The following CLEC16A variants were observed in gnomAD, a reference collection of about 807,000 sequenced individuals.
CLEC16A encodes the protein C-type lectin domain containing 16A.
Under a neutral mutation model 109.5 loss-of-function variants are expected in CLEC16A, and 51 were observed. That is an observed-to-expected ratio of 0.47 (90% CI 0.37 to 0.59). CLEC16A has a LOEUF of 0.59. Ranked by LOEUF, CLEC16A falls within the 20% of genes least tolerant of loss-of-function variation. CLEC16A has a pLI of 0.00. For missense variants in CLEC16A, 1,339 were observed against 1,394.0 expected (o/e 0.96, Z 0.63); for synonymous variants, 673 against 564.2 (o/e 1.19, Z -2.73).
At position 11,133,352 on chromosome 16, in the gene CLEC16A, A is replaced by AT. The variant is rs1567370586; in HGVS notation, c.2641+7206_2641+7207insT. Among the ~76,000 whole-genome samples the AT allele has an allele frequency of 1.3e-3, 193 of 151,138 alleles. 1 individual carries two copies. The highest frequency in any genetic ancestry group is 4.3e-3 in the African/African-American group (176 of 40,694). ...AGACTCTGTCTCAAAAAAAAAAAAA[A>AT]ATTTTTTTTTTGACTCTCCTGAGTA... On this transcript the variant is annotated intron_variant, in intron 22 of 23. Transcript: ENST00000409790.
chr16:11,171,975 TACACAATC>T (rs538047646), intron 23 of CLEC16A, among the ~76,000 whole-genome samples: 8 of 138,714 alleles, frequency 5.8e-5, no homozygotes, highest in African/African-American at 1.9e-4. Context: ...CTCCCACACA[TACACAATC>T]ACACACATAC....
chr16:10,976,681 C>G (rs1282552198), intron 7 of CLEC16A, among the ~76,000 whole-genome samples: 1 of 152,174 alleles, frequency 6.6e-6, no homozygotes, highest in Non-Finnish European at 1.5e-5. Context: ...ACTGACTCCA[C>G]CCAAGAGACA....
At chr16:11,100,090 TCTTAA>T (rs2050826545) in intron 19 of CLEC16A, among the ~76,000 whole-genome samples, 1 of 152,156 alleles carries the variant, frequency 6.6e-6, no homozygotes, top group Non-Finnish European at 1.5e-5. Context: ...CTAGCTCTTT[TCTTAA>T]CTTTTGCCTA....
intron 3 of CLEC16A, among the ~76,000 whole-genome samples, 193 bp from the exon 4 acceptor site, chr16:10,968,968 A>G (rs2042648574): frequency 6.6e-6 from 1 of 152,028 alleles, no homozygotes; most frequent in Non-Finnish European, 1.5e-5. Flanking sequence ...GATGCCTTTG[A>G]ACTTCCTGGT....
At chr16:11,167,067 C>G (rs927940361) in intron 23 of CLEC16A, among the ~76,000 whole-genome samples, 10 of 152,164 alleles carry the variant, frequency 6.6e-5, no homozygotes, top group African/African-American at 2.4e-4. Context: ...TCAACTTATT[C>G]CACTTCAGAC....
intron 18 of CLEC16A, among the ~76,000 whole-genome samples, chr16:11,055,873 G>C (rs1387519876): frequency 6.6e-6 from 1 of 152,102 alleles, no homozygotes; most frequent in Non-Finnish European, 1.5e-5. Context: ...ACAGGCGTGA[G>C]CCACCATGCC....
intron 19 of CLEC16A, among the ~76,000 whole-genome samples, chr16:11,075,141 A>C (rs1243142999): frequency 6.6e-6 from 1 of 152,256 alleles, no homozygotes; most frequent in African/African-American, 2.4e-5. Flanking sequence ...CAGTTGAAAT[A>C]CTTTTTCAAA....
chr16:11,033,446 C>T (rs2046858047), intron 13 of CLEC16A, among the ~76,000 whole-genome samples: 1 of 152,134 alleles, frequency 6.6e-6, no homozygotes, highest in African/African-American at 2.4e-5. Context: ...TGCCCTGAGG[C>T]CCAGGTGCCT....
intron 3 of CLEC16A, among the ~76,000 whole-genome samples, chr16:10,967,146 T>G (rs1359797481): frequency 6.6e-6 from 1 of 152,164 alleles, no homozygotes; most frequent in Non-Finnish European, 1.5e-5. Context: ...CAGTGGCTTT[T>G]CTGAATGCAG....
At chr16:11,148,774 G>A (rs2054173296) in intron 22 of CLEC16A, among the ~76,000 whole-genome samples, 1 of 152,118 alleles carries the variant, frequency 6.6e-6, no homozygotes, top group African/African-American at 2.4e-5. Flanking sequence ...CAAATAATGA[G>A]CCAACGGCTG....
At chr16:11,177,840 C>A (rs750197380) in intron 23 of CLEC16A, among the ~76,000 whole-genome samples, 15 of 149,968 alleles carry the variant, frequency 1.0e-4, no homozygotes, top group Non-Finnish European at 2.1e-4. Context: ...CTGAAAAGTT[C>A]TACAGAATTT....
intron 12 of CLEC16A, among the ~76,000 whole-genome samples, chr16:11,022,727 G>A (rs549522942): frequency 2.8e-4 from 42 of 151,640 alleles, no homozygotes; most frequent in Non-Finnish European, 4.6e-4. Flanking sequence ...GTGAAACCCC[G>A]TCTCTACTAA....
intron 1 of CLEC16A, among the ~76,000 whole-genome samples, chr16:10,949,414 G>A (rs536420715): frequency 4.6e-5 from 7 of 152,112 alleles, no homozygotes; most frequent in Non-Finnish European, 7.3e-5. Context: ...GACCAACGGG[G>A]TGAGTCGTTG....
At chr16:10,996,413 GA>G (rs2044330040) in intron 10 of CLEC16A, among the ~76,000 whole-genome samples, 2 of 152,190 alleles carry the variant, frequency 1.3e-5, no homozygotes, top group African/African-American at 4.8e-5. Flanking sequence ...AGCCCCAGGT[GA>G]CCTAGGCCTT....
At chr16:11,131,770 T>C (rs1412954636) in intron 22 of CLEC16A, among the ~76,000 whole-genome samples, 2 of 152,170 alleles carry the variant, frequency 1.3e-5, no homozygotes, top group African/African-American at 4.8e-5. Flanking sequence ...CTGTGGCCCA[T>C]GGTCCCATGC....
At chr16:11,176,714 G>C (rs897309016) in intron 23 of CLEC16A, among the ~76,000 whole-genome samples, 5 of 152,116 alleles carry the variant, frequency 3.3e-5, no homozygotes, top group South Asian at 2.1e-4. Flanking sequence ...CTCCAGCCTG[G>C]GTGACAGAGT....
chr16:11,116,629 G>A (rs557063955), intron 19 of CLEC16A, among the ~76,000 whole-genome samples: 15 of 152,294 alleles, frequency 9.8e-5, no homozygotes, highest in South Asian at 4.2e-4. Context: ...GGGGTTACCC[G>A]AGAAAGGAAA....
At chr16:10,981,217 C>T (rs775097718) in intron 9 of CLEC16A, among the ~76,000 whole-genome samples, 1 of 152,160 alleles carries the variant, frequency 6.6e-6, no homozygotes, top group South Asian at 2.1e-4. Context: ...TCAGTTAAGG[C>T]CGCATTCATT....
intron 19 of CLEC16A, among the ~76,000 whole-genome samples, chr16:11,099,899 AG>A (rs1679107297): frequency 6.6e-6 from 1 of 152,108 alleles, no homozygotes; most frequent in African/African-American, 2.4e-5. Flanking sequence ...GCTGTGTTTA[AG>A]TGTCCAGCAT....
Sources: gnomAD v4.1 joint callset for allele counts (sites outside exome capture counted in the v4.1 genomes callset) on GRCh38, gnomAD v4.1.1 for gene constraint, MANE v1.5 for transcripts, NCBI Gene and HGNC (gene_info 2026-07-23, HGNC 2026-07-21) for gene names.